The following CASZ1 variants were observed in gnomAD, a reference collection of about 807,000 sequenced individuals.
CASZ1 encodes zinc finger protein castor homolog 1.
Under a neutral mutation model 135.2 loss-of-function variants are expected in CASZ1, and 28 were observed. The ratio of observed to expected loss-of-function variants is 0.21; its 90% confidence interval spans 0.15 to 0.28. The LOEUF (loss-of-function observed/expected upper bound fraction) is 0.28. CASZ1 is among the 10% of genes least tolerant of loss of function. CASZ1 has a pLI of 1.00. For missense variants in CASZ1, 2,161 were observed against 2,453.3 expected (o/e 0.88, Z 2.52); for synonymous variants, 1,068 against 1,073.4 (o/e 0.99, Z 0.10).
intron 1 of CASZ1, among the ~76,000 whole-genome samples, chr1:10,781,937 C>A (rs182747222): frequency 6.6e-6 from 1 of 152,318 alleles, no homozygotes; most frequent in Admixed American, 6.5e-5. Context: ...TTACCACTAT[C>A]CTCCCAGCAT....
At position 10,667,942 on chromosome 1, in the gene CASZ1, C is replaced by T. The variant is rs544842273; in HGVS notation, c.17-2371G>A. Reference sequence around the variant, plus strand: ...GCGGTGCAGCTGTGTACCCAGGACCCGCCCCCAGCCCCAGGCCCCTTTGCT... The same window carrying T: ...GCGGTGCAGCTGTGTACCCAGGACCTGCCCCCAGCCCCAGGCCCCTTTGCT... On this transcript the variant is annotated intron_variant, in intron 4 of 20. Coordinates refer to ENST00000377022, the MANE Select transcript of CASZ1 (RefSeq NM_001079843.3). 2.2e-3 allele frequency among the ~76,000 whole-genome samples: 331 copies of T among 152,072 alleles called. 1 individual carries two copies. Among genetic ancestry groups the T allele is most frequent in the African/African-American group, 7.5e-3 (313 of 41,490 alleles).
chr1:10,650,792 G>GC lies in CASZ1; in HGVS notation c.2817-38dup, dbSNP rs3215814. On this transcript the variant is annotated intron_variant, in intron 12 of 20. Coordinates refer to ENST00000377022, the MANE Select transcript of CASZ1 (RefSeq NM_001079843.3). ...AAACCAAGGGACTTGAGCTCAGACGGCCGGGGCCTGGGCCCTGGGGCTCAC... is the reference window on the plus strand; with the variant it reads ...AAACCAAGGGACTTGAGCTCAGACGGCCCGGGGCCTGGGCCCTGGGGCTCAC... 346,014 of 1,607,922 alleles carry GC rather than the reference G, an allele frequency of 0.22. 41,989 individuals are homozygous for GC. The highest frequency in any genetic ancestry group is 0.48 in the African/African-American group (35,708 of 74,846).
intron 2 of CASZ1, among the ~76,000 whole-genome samples, chr1:10,737,301 C>A (rs1425378292): frequency 6.6e-6 from 1 of 152,198 alleles, no homozygotes; most frequent in Non-Finnish European, 1.5e-5. Context: ...CCTGGGCGTC[C>A]CCCTCACCCT....
rs1414731688 is a variant in CASZ1 at position 10,636,903 on chromosome 1, T to G, written c.*2039A>C. The G allele has an allele frequency of 6.6e-6, 1 of 152,070 alleles. No homozygotes were observed. The highest frequency in any genetic ancestry group is 1.5e-5 in the Non-Finnish European group (1 of 67,974). 9.4% of individuals were successfully genotyped at this position (152,070 alleles called of 1,614,324 possible). A position where few individuals can be genotyped will look rare whatever the true frequency, so the allele number is the denominator to read the frequency against. ...AGATATATACACACACATATGTGCATACATATTATTTGATATTTATATATA... is the reference window on the plus strand; with the variant it reads ...AGATATATACACACACATATGTGCAGACATATTATTTGATATTTATATATA... On this transcript the variant is annotated 3_prime_UTR_variant, in exon 21 of 21. Coordinates refer to ENST00000377022, the MANE Select transcript of CASZ1 (RefSeq NM_001079843.3).
chr1:10,704,827 C>T lies in CASZ1; in HGVS notation c.-24+665G>A, dbSNP rs374731374. ...CCTGGGGCCCGAGGCCCGGTGGCCC[C>T]GCGGTTTCTCGCGCCACCACCCCGG... On this transcript the variant is annotated intron_variant, in intron 3 of 20. Coordinates refer to ENST00000377022, the MANE Select transcript of CASZ1 (RefSeq NM_001079843.3). Among the ~76,000 whole-genome samples, 249 of 152,362 alleles carry T rather than the reference C, an allele frequency of 1.6e-3. 3 individuals carry two copies. Among genetic ancestry groups the T allele is most frequent in the African/African-American group, 5.7e-3 (236 of 41,588 alleles).
Position 10,725,905 on chromosome 1 carries a change from A to T in CASZ1, c.-76-20361T>A, listed in dbSNP as rs1329106373. Among the ~76,000 whole-genome samples the T allele has an allele frequency of 6.6e-6, 1 of 152,110 alleles. No homozygotes were observed. Among genetic ancestry groups the T allele is most frequent in the Non-Finnish European group, 1.5e-5 (1 of 68,002 alleles). On this transcript the variant is annotated intron_variant, in intron 2 of 20. Transcript: ENST00000377022. The surrounding 1 kb of genome is among the most constrained non-coding windows in gnomAD (Gnocchi z 4.4). ...CGAATGTTCTAGAAGGATGGGCCGG[A>T]CTTAGGAGGGGGCAGCATCCTCAGG...
chr1:10,771,173 G>T (rs978585790), intron 1 of CASZ1, among the ~76,000 whole-genome samples: 1 of 152,054 alleles, frequency 6.6e-6, no homozygotes, highest in Admixed American at 6.5e-5. Flanking sequence ...TGGGGGTGCG[G>T]GACAGGGAGC....
rs571683588 is a variant in CASZ1, at chr1:10,658,129, G to A, written c.1409+379C>T. On this transcript the variant is annotated intron_variant, in intron 7 of 20. Transcript: ENST00000377022. ...ATTACAGGCATGAGCCACTGCACCT[G>A]GCCTGCCTCTACCTTCCCAGCCCTG... is the stretch of plus-strand genomic sequence containing the variant. The A allele has an allele frequency of 3.2e-5, 7 of 219,752 alleles. No homozygotes were observed. The South Asian group carries it at 5.3e-4, about 17-fold the overall frequency. The allele number at this position is 219,752 out of a possible 1,614,324, so 13.6% of individuals were successfully genotyped here.
rs191479517 is a variant in CASZ1 at position 10,679,419 on chromosome 1, C to T, written c.17-13848G>A. ...CTGGAGCCAACGCCACCCAGGGCTC[C>T]CTCTGCCGATTCCAGGCTGGAGTCA... On this transcript the variant is annotated intron_variant, in intron 4 of 20. Transcript: ENST00000377022. The surrounding 1 kb of genome is among the most constrained non-coding windows in gnomAD (Gnocchi z 4.7). 1.2e-3 allele frequency among the ~76,000 whole-genome samples: 178 copies of T among 152,258 alleles called. 1 individual carries two copies. The highest frequency in any genetic ancestry group is 3.4e-3 in the African/African-American group (141 of 41,542).
At chr1:10,752,708 T>C (rs1640170933) in intron 2 of CASZ1, among the ~76,000 whole-genome samples, 1 of 152,122 alleles carries the variant, frequency 6.6e-6, no homozygotes, top group African/African-American at 2.4e-5. Flanking sequence ...CCAGAGAAAA[T>C]ACAGTATGCC....
Position 10,747,434 on chromosome 1 carries a change from G to C in CASZ1, c.-77+13267C>G, listed in dbSNP as rs939725544. Among the ~76,000 whole-genome samples the C allele has an allele frequency of 1.1e-4, 17 of 152,238 alleles. No homozygotes were observed. Among genetic ancestry groups the C allele is most frequent in the African/African-American group, 4.1e-4 (17 of 41,454 alleles). On this transcript the variant is annotated intron_variant, in intron 2 of 20. Coordinates refer to ENST00000377022, the MANE Select transcript of CASZ1 (RefSeq NM_001079843.3). This position sits in a 1 kb window ranked among gnomAD's most constrained non-coding sequence, Gnocchi z 4.3. ...GCCATTGAGGGTCTAACAGTGGCCA[G>C]GTCCCAGCGGCAGATGAAAGGCGTT... is the stretch of plus-strand genomic sequence containing the variant.
rs373233730 is a variant in CASZ1 at position 10,734,144 on chromosome 1, C to T, written c.-77+26557G>A. Among the ~76,000 whole-genome samples the T allele has an allele frequency of 6.6e-5, 10 of 152,132 alleles. No homozygotes were observed. In the East Asian group the frequency reaches 1.2e-3, roughly 18 times the overall value. On this transcript the variant is annotated intron_variant, in intron 2 of 20. Transcript: ENST00000377022. ...GGAGGGGACAACCCCAGGGCCTGCCCGAGCAGATGACAGGCAGAGGTGGCA... is the reference window on the plus strand; with the variant it reads ...GGAGGGGACAACCCCAGGGCCTGCCTGAGCAGATGACAGGCAGAGGTGGCA...
intron 2 of CASZ1, among the ~76,000 whole-genome samples, chr1:10,732,057 A>C: frequency 6.6e-6 from 1 of 151,788 alleles, no homozygotes; most frequent in Admixed American, 6.6e-5. Flanking sequence ...AGGCATGATG[A>C]CTCATGCCTG....
rs527362590 is a variant in CASZ1 at position 10,706,751 on chromosome 1, T to C, written c.-76-1207A>G. Reference sequence around the variant, plus strand: ...CTGGGGCGGAGCCTGCCCTGCCAGATACAGGGCTCTGGGAGGGCTGAGAGC... The same window carrying C: ...CTGGGGCGGAGCCTGCCCTGCCAGACACAGGGCTCTGGGAGGGCTGAGAGC... On this transcript the variant is annotated intron_variant, in intron 2 of 20. Coordinates refer to ENST00000377022, the MANE Select transcript of CASZ1 (RefSeq NM_001079843.3). This position sits in a 1 kb window ranked among gnomAD's most constrained non-coding sequence, Gnocchi z 4.3. Among the ~76,000 whole-genome samples, 50 of 152,252 alleles carry C rather than the reference T, an allele frequency of 3.3e-4. No individual in the cohort carries two copies. In the South Asian group the frequency reaches 0.01, roughly 32 times the overall value.
rs980708230 is a variant in CASZ1 at position 10,694,824 on chromosome 1, C to T, written c.-23-912G>A. Among the ~76,000 whole-genome samples the T allele has an allele frequency of 5.0e-4, 72 of 144,650 alleles. No homozygotes were observed. Among genetic ancestry groups the T allele is most frequent in the Non-Finnish European group, 9.7e-4 (63 of 65,156 alleles). The allele number at this position is 144,650 out of a possible 152,430, so 94.9% of individuals were successfully genotyped here. ...CGCTCAGGGCTGGCGGGAGGGGACC[C>T]GGCGCGGGGCGGGGAACGCGGCCCG... On this transcript the variant is annotated intron_variant, in intron 3 of 20. Coordinates refer to ENST00000377022, the MANE Select transcript of CASZ1 (RefSeq NM_001079843.3). The surrounding 1 kb of genome is among the most constrained non-coding windows in gnomAD (Gnocchi z 6.6).
In CASZ1 at chr1:10,736,994, C is replaced by T. The variant is rs146883159; in HGVS notation, c.-77+23707G>A. Reference sequence around the variant, plus strand: ...GTGGGAGGAATTTCCTGAAAGGCTTCTGCAGAGAGGGGGAGAAGGAAGGAA... The same window carrying T: ...GTGGGAGGAATTTCCTGAAAGGCTTTTGCAGAGAGGGGGAGAAGGAAGGAA... On this transcript the variant is annotated intron_variant, in intron 2 of 20. Coordinates refer to ENST00000377022, the MANE Select transcript of CASZ1 (RefSeq NM_001079843.3). Among the ~76,000 whole-genome samples, 172 of 152,336 alleles carry T rather than the reference C, an allele frequency of 1.1e-3. 3 individuals are homozygous for T. The East Asian group carries it at 0.032, about 29-fold the overall frequency.
chr1:10,730,873 T>C (rs373290246), intron 2 of CASZ1, among the ~76,000 whole-genome samples: 1 of 151,624 alleles, frequency 6.6e-6, no homozygotes, highest in African/African-American at 2.4e-5. Context: ...TTTGGGAGGC[T>C]GAGGTGGGTG....
intron 2 of CASZ1, among the ~76,000 whole-genome samples, chr1:10,758,925 A>G (rs928877864): frequency 6.6e-6 from 1 of 152,234 alleles, no homozygotes; most frequent in African/African-American, 2.4e-5. Context: ...ATCAAGTCCA[A>G]GACAGCCGAT....
At chr1:10,642,802 G>C in intron 20 of CASZ1, 57 bp downstream of exon 20, 1 of 1,586,770 alleles carries the variant, frequency 6.3e-7, no homozygotes, top group Non-Finnish European at 8.6e-7. Flanking sequence ...GCACCCAGCG[G>C]TGCTGGGCTT....
Sources: allele counts gnomAD v4.1 joint callset (sites outside exome capture counted in the v4.1 genomes callset), GRCh38; gene constraint gnomAD v4.1.1; non-coding constraint Gnocchi (gnomAD v3.1); transcripts MANE v1.5; gene names NCBI Gene and HGNC (gene_info 2026-07-23, HGNC 2026-07-21).